Variants in CD101 observed in about 807,000 individuals in gnomAD.
CD101 encodes the protein CD101 molecule.
A neutral mutation model predicts 98.2 loss-of-function variants in CD101; 76 were observed. That is an observed-to-expected ratio of 0.77 (90% CI 0.64 to 0.94). The LOEUF (loss-of-function observed/expected upper bound fraction) is 0.94, where lower values mean the gene tolerates loss of function less well. Among genes scored for constraint, CD101 ranks in the 40% least tolerant of loss-of-function variants. The pLI is 0.00. For missense variants in CD101, 1,145 were observed against 1,218.8 expected (o/e 0.94, Z 0.90); for synonymous variants, 471 against 472.7 (o/e 1.00, Z 0.05).
intron 9 of CD101, among the ~76,000 whole-genome samples, chr1:117,035,856 ACT>A (rs1654788488): frequency 6.6e-6 from 1 of 151,926 alleles, no homozygotes; most frequent in South Asian, 2.1e-4. Context: ...CCGGCAGAAG[ACT>A]CTTAGAAAGT....
chr1:117,025,703 G>A lies in CD101; in HGVS notation c.2623G>A (p.Glu875Lys), dbSNP rs528179823. The A allele has an allele frequency of 6.2e-7, 1 of 1,614,180 alleles. No homozygotes were observed. The highest frequency in any genetic ancestry group is 1.1e-5 in the South Asian group (1 of 91,088). ...ACATGATGGCTTGCTGGAGTATGGG[G>A]AAGAGGGGCTCAGGAGGCACCTGCA... ...LQHDGLLEYG[E>K]EGLRRHLHCY... The change falls in exon 8 of 10, where the codon GAA becomes AAA. Residue 875 changes from glutamate (E) to lysine (K), a missense_variant. Transcript: ENST00000682167.
chr1:117,029,199 GAAA>G (rs1654203220), intron 8 of CD101, among the ~76,000 whole-genome samples: 4 of 40,700 alleles, frequency 9.8e-5, no homozygotes, highest in Middle Eastern at 0.013. Flanking sequence ...AAGAAAGAAA[GAAA>G]GAAAAGAAAG....
At chr1:117,035,613 G>T (rs1392398875) in intron 9 of CD101, among the ~76,000 whole-genome samples, 3 of 149,236 alleles carry the variant, frequency 2.0e-5, no homozygotes, top group Admixed American at 1.3e-4. Flanking sequence ...GCAGTGGTGT[G>T]ACCTGGGCTC....
intron 8 of CD101, among the ~76,000 whole-genome samples, chr1:117,028,213 G>A (rs1330383333): frequency 6.6e-6 from 1 of 152,304 alleles, no homozygotes; most frequent in Non-Finnish European, 1.5e-5. Context: ...CTGAGCTAAG[G>A]CGGTACCCAT....
chr1:117,034,830 A>G (rs1187141632), intron 9 of CD101, among the ~76,000 whole-genome samples: 1 of 152,220 alleles, frequency 6.6e-6, no homozygotes, highest in East Asian at 1.9e-4. Context: ...TACTCCAGTC[A>G]GCCCCCCAAG....
intron 9 of CD101, among the ~76,000 whole-genome samples, chr1:117,035,422 A>C (rs1654748550): frequency 6.6e-6 from 1 of 152,194 alleles, no homozygotes; most frequent in Admixed American, 6.5e-5. Flanking sequence ...CCAGTTCCTT[A>C]AACTCATGTC....
chr1:117,021,615 T>C lies in CD101; in HGVS notation c.2060T>C (p.Leu687Pro). ...AATTCAAGGAGTCAAGTCCAAGAGC[T>C]CTCCATCAACTCCAACACTGATATA... ...KVNSRSQVQE[L>P]SINSNTDIEC... Residue 687 changes from leucine (L) to proline (P), a missense_variant, in exon 7 of 10, where the codon CTC becomes CCC. Leu to Pro is a moderately conservative substitution (Grantham distance 98). Coordinates refer to ENST00000682167, the MANE Select transcript of CD101 (RefSeq NM_001256106.3). This position sits in a 1 kb window ranked among gnomAD's most constrained non-coding sequence, Gnocchi z 4.7. 1 of 1,600,546 alleles carries C rather than the reference T, an allele frequency of 6.2e-7. No individual in the cohort carries two copies. The highest frequency in any genetic ancestry group is 8.5e-7 in the Non-Finnish European group (1 of 1,175,448).
Position 117,013,915 on chromosome 1 carries a change from G to A in CD101, c.1228+123G>A, listed in dbSNP as rs1429364488. 3.4e-6 allele frequency: 4 copies of A among 1,171,258 alleles called. No homozygotes were observed. In the East Asian group the frequency reaches 1.0e-4, roughly 30 times the overall value. 72.6% of individuals were successfully genotyped at this position (1,171,258 alleles called of 1,614,324 possible). On this transcript the variant is annotated intron_variant, in intron 4 of 9. Coordinates refer to ENST00000682167, the MANE Select transcript of CD101 (RefSeq NM_001256106.3). ...GAGCAGGTTTCAATCAGATCACATT[G>A]GAGGTGGAGTGGAGTGGAGTAAAGG...
intron 4 of CD101, among the ~76,000 whole-genome samples, chr1:117,014,117 G>A (rs989008465): frequency 1.3e-5 from 2 of 149,300 alleles, no homozygotes; most frequent in African/African-American, 2.5e-5. Context: ...TTTATTTTTT[G>A]TTCTAATTTT....
chr1:117,013,511 A>C lies in CD101; in HGVS notation c.947A>C (p.Gln316Pro), dbSNP rs1358234026. 6.2e-7 allele frequency: 1 copy of C among 1,614,192 alleles called. No homozygotes were observed. The highest frequency in any genetic ancestry group is 1.7e-5 in the Admixed American group (1 of 60,020). Reference protein sequence around the residue: ...VVSSGRDPQLQGIWFFNGTEI... With the variant: ...VVSSGRDPQLPGIWFFNGTEI... ...AGCAGTGGCCGTGACCCACAGCTTC[A>C]AGGCATTTGGTTCTTCAATGGGACT... Residue 316 changes from glutamine to proline, a missense_variant, in exon 4 of 10, where the codon CAA (glutamine) becomes CCA (proline). Physicochemically the swap from Gln to Pro is moderately conservative, Grantham distance 76. Transcript: ENST00000682167.
chr1:117,027,788 T>C (rs994145793), intron 8 of CD101, among the ~76,000 whole-genome samples: 19 of 152,158 alleles, frequency 1.2e-4, no homozygotes, highest in Admixed American at 1.2e-3. Context: ...GTTCCCACAT[T>C]AAAATGAATT....
chr1:117,002,525 G>A (rs1344480498), intron 1 of CD101, among the ~76,000 whole-genome samples: 2 of 152,106 alleles, frequency 1.3e-5, no homozygotes. Context: ...AGCAGGTAAT[G>A]GAATAGTTTC....
Position 117,004,673 on chromosome 1 carries a change from C to G in CD101, c.43+2813C>G, listed in dbSNP as rs1652427569. On this transcript the variant is annotated intron_variant, in intron 1 of 9. Transcript: ENST00000682167. The surrounding 1 kb of genome is among the most constrained non-coding windows in gnomAD (Gnocchi z 4.1). ...GTGGATGATATGTACTTGAAAAAAC[C>G]CAGAGAGAATATATTTATAGTAAGA... Among the ~76,000 whole-genome samples, 1 of 151,978 alleles carries G rather than the reference C, an allele frequency of 6.6e-6. No homozygotes were observed. Among genetic ancestry groups the G allele is most frequent in the Admixed American group, 6.6e-5 (1 of 15,250 alleles).
chr1:117,010,804 CTGCT>C lies in CD101; in HGVS notation c.424+577_424+580del, dbSNP rs1384477226. 6.6e-6 allele frequency among the ~76,000 whole-genome samples: 1 copy of C among 152,200 alleles called. No individual in the cohort carries two copies. The highest frequency in any genetic ancestry group is 1.5e-5 in the Non-Finnish European group (1 of 68,042). On this transcript the variant is annotated intron_variant, in intron 2 of 9. Coordinates refer to ENST00000682167, the MANE Select transcript of CD101 (RefSeq NM_001256106.3). The surrounding 1 kb of genome is among the most constrained non-coding windows in gnomAD (Gnocchi z 5.2). ...ACCTCTTCTGTGGAACTCATCTTGA[CTGCT>C]TGGGCAGAATTCCCACTTTTGTTTC...
intron 8 of CD101, 57 bp downstream of exon 8, chr1:117,025,961 C>G: frequency 1.4e-5 from 21 of 1,508,256 alleles, no homozygotes; most frequent in Non-Finnish European, 1.9e-5. Context: ...TGGCTCTCCT[C>G]TTATCCTCTC....
chr1:117,025,455 G>A (rs904462898), intron 7 of CD101, 54 bp from the exon 8 acceptor site: 1 of 1,446,860 alleles, frequency 6.9e-7, no homozygotes, highest in East Asian at 2.3e-5. Context: ...TTCAGAGGTG[G>A]TATCCAAATC....
chr1:117,018,524 A>G lies in CD101; in HGVS notation c.1981A>G (p.Ile661Val), dbSNP rs1229644348. ...YNNRPPRASA[I>V]SHPLRIAVTL... The stretch of plus-strand genomic sequence containing the variant: ...CAACCGCCCCCCGAGGGCTTCTGCC[A>G]TCTCTCACCCACTGAGGATAGCCGT... The change falls in exon 6 of 10, where the codon ATC becomes GTC. Residue 661 changes from isoleucine (I) to valine (V), a missense_variant. Ile to Val is a conservative substitution (Grantham distance 29). Coordinates refer to ENST00000682167, the MANE Select transcript of CD101 (RefSeq NM_001256106.3). This position sits in a 1 kb window ranked among gnomAD's most constrained non-coding sequence, Gnocchi z 4.3. 5 of 1,610,010 alleles carry G rather than the reference A, an allele frequency of 3.1e-6. No individual in the cohort carries two copies. Among genetic ancestry groups the G allele is most frequent in the African/African-American group, 2.7e-5 (2 of 75,002 alleles).
intron 1 of CD101, among the ~76,000 whole-genome samples, chr1:117,002,356 A>C (rs1652277656): frequency 6.6e-6 from 1 of 152,226 alleles, no homozygotes; most frequent in South Asian, 2.1e-4. Context: ...GTGGAAGTGG[A>C]AATTGACTAC....
intron 9 of CD101, among the ~76,000 whole-genome samples, chr1:117,035,804 G>T (rs971432615): frequency 2.0e-5 from 3 of 151,996 alleles, no homozygotes; most frequent in African/African-American, 4.8e-5. Context: ...CACCCGCCTC[G>T]GCCTCCCAAA....
Sources: allele counts gnomAD v4.1 joint callset (sites outside exome capture counted in the v4.1 genomes callset), GRCh38; gene constraint gnomAD v4.1.1; non-coding constraint Gnocchi (gnomAD v3.1); transcripts MANE v1.5; gene names NCBI Gene and HGNC (gene_info 2026-07-23, HGNC 2026-07-21).